The following GRID2 variants were observed in gnomAD, a reference collection of about 807,000 sequenced individuals.
The protein encoded by GRID2 is glutamate receptor ionotropic, delta-2.
In GRID2, 33 loss-of-function variants were observed where a neutral mutation model predicts 114.8. The observed-to-expected ratio is 0.29, with a 90% CI of 0.22 to 0.38. The LOEUF (loss-of-function observed/expected upper bound fraction) is 0.38, where lower values mean the gene tolerates loss of function less well. Ranked by LOEUF, GRID2 falls within the 10% of genes least tolerant of loss-of-function variation. The pLI is 1.00. For synonymous variants in GRID2, 505 were observed against 449.9 expected (o/e 1.12, Z -1.55); for missense variants, 1,184 against 1,257.7 (o/e 0.94, Z 0.89).
chr4:92,600,436 ATTATG>A (rs1474012760), intron 2 of GRID2, among the ~76,000 whole-genome samples: 1 of 152,014 alleles, frequency 6.6e-6, no homozygotes, highest in East Asian at 1.9e-4. Flanking sequence ...TCCTGCTTTT[ATTATG>A]TTATATTTAT....
At chr4:93,763,286 A>G (rs1396805416) in intron 14 of GRID2, among the ~76,000 whole-genome samples, 1 of 152,202 alleles carries the variant, frequency 6.6e-6, no homozygotes, top group Non-Finnish European at 1.5e-5. Context: ...AGATTGAGCT[A>G]AAGCTAGAGA....
intron 2 of GRID2, among the ~76,000 whole-genome samples, chr4:93,042,861 C>G (rs1422963249): frequency 6.6e-6 from 1 of 151,266 alleles, no homozygotes; most frequent in Admixed American, 6.6e-5. Context: ...AGATATTAGG[C>G]CAAGTAGCCA....
At chr4:92,388,297 C>A (rs1730075662) in intron 1 of GRID2, among the ~76,000 whole-genome samples, 1 of 152,020 alleles carries the variant, frequency 6.6e-6, no homozygotes, top group African/African-American at 2.4e-5. Context: ...TTCTCTGGCT[C>A]AGCTATATAC....
At chr4:93,011,699 T>A (rs1722186584) in intron 2 of GRID2, among the ~76,000 whole-genome samples, 1 of 152,104 alleles carries the variant, frequency 6.6e-6, no homozygotes, top group African/African-American at 2.4e-5. Flanking sequence ...TCGAGATGTA[T>A]CATGTTCCAA....
intron 2 of GRID2, among the ~76,000 whole-genome samples, chr4:92,747,486 A>C (rs2149335904): frequency 6.6e-6 from 1 of 152,252 alleles, no homozygotes; most frequent in African/African-American, 2.4e-5. Flanking sequence ...CGCTCAAGGC[A>C]GGGTAAAGTT....
At chr4:92,765,512 A>ATT (rs112820325) in intron 2 of GRID2, among the ~76,000 whole-genome samples, 23 of 147,080 alleles carry the variant, frequency 1.6e-4, no homozygotes, top group East Asian at 9.9e-4. Context: ...GAGACAAGCT[A>ATT]TTTTTTTTTT....
intron 14 of GRID2, among the ~76,000 whole-genome samples, chr4:93,628,535 C>G (rs1444270240): frequency 1.3e-5 from 2 of 151,932 alleles, no homozygotes; most frequent in African/African-American, 2.4e-5. Context: ...TAGAAGAGAC[C>G]CTTCTAAGGG....
At chr4:92,795,056 ATCT>A (rs1422454751) in intron 2 of GRID2, among the ~76,000 whole-genome samples, 1 of 151,464 alleles carries the variant, frequency 6.6e-6, no homozygotes, top group Non-Finnish European at 1.5e-5. Flanking sequence ...CATTCTCATC[ATCT>A]TCACATTGAA....
chr4:92,714,228 C>T (rs1298128115), intron 2 of GRID2, among the ~76,000 whole-genome samples: 1 of 152,296 alleles, frequency 6.6e-6, no homozygotes, highest in Non-Finnish European at 1.5e-5. Context: ...ACTTTTAAAG[C>T]TCCAAAATTA....
chr4:92,745,656 T>A (rs1202996702), intron 2 of GRID2, among the ~76,000 whole-genome samples: 1 of 152,172 alleles, frequency 6.6e-6, no homozygotes, highest in Non-Finnish European at 1.5e-5. Flanking sequence ...TAGTGGTACT[T>A]GCTATTGAGT....
chr4:92,888,677 ATAACT>A (rs1024157958), intron 2 of GRID2, among the ~76,000 whole-genome samples: 37 of 152,038 alleles, frequency 2.4e-4, no homozygotes, highest in Middle Eastern at 3.2e-3. Flanking sequence ...CATATTAGAA[ATAACT>A]TTATTAATAT....
At chr4:92,813,599 T>C (rs1212500474) in intron 2 of GRID2, among the ~76,000 whole-genome samples, 18 of 152,070 alleles carry the variant, frequency 1.2e-4, no homozygotes, top group Admixed American at 1.1e-3. Context: ...TGAATACATA[T>C]TTATATCCAT....
Position 93,110,851 on chromosome 4 carries a change from C to T in GRID2, c.633C>T (p.Leu211=), listed in dbSNP as rs1348269390. 45 of 1,610,426 alleles carry T rather than the reference C, an allele frequency of 2.8e-5. No individual in the cohort carries two copies. The highest frequency in any genetic ancestry group is 3.7e-5 in the Non-Finnish European group (44 of 1,176,772). The change falls in exon 4 of 16, where the codon CTC becomes CTT. Residue 211 remains leucine (L), a synonymous_variant. Coordinates refer to ENST00000282020, the MANE Select transcript of GRID2 (RefSeq NM_001510.4). The part of the protein sequence containing the change: ...ENNINKMITT[L]FDTMRIEELN... ...ACATCAATAAAATGATTACCACTCT[C>T]TTTGACACCATGAGAATAGAAGAAC...
chr4:93,146,179 A>G (rs1736207355), intron 4 of GRID2, among the ~76,000 whole-genome samples: 1 of 152,138 alleles, frequency 6.6e-6, no homozygotes, highest in African/African-American at 2.4e-5. Flanking sequence ...GAAACCACCT[A>G]AAACCCAACC....
At chr4:93,430,903 T>C (rs1769348373) in intron 10 of GRID2, among the ~76,000 whole-genome samples, 2 of 151,602 alleles carry the variant, frequency 1.3e-5, no homozygotes, top group Admixed American at 1.3e-4. Flanking sequence ...GACACAAGAG[T>C]AGAAGTAAAG....
intron 1 of GRID2, among the ~76,000 whole-genome samples, chr4:92,542,164 C>T (rs1173292741): frequency 6.6e-6 from 1 of 151,772 alleles, no homozygotes; most frequent in East Asian, 1.9e-4. Flanking sequence ...ATGGAGTGAC[C>T]AAAAGTATAG....
rs979681113 is a variant in GRID2, at chr4:93,608,873, T to C, written c.2194-17396T>C. On this transcript the variant is annotated intron_variant, in intron 13 of 15. Coordinates refer to ENST00000282020, the MANE Select transcript of GRID2 (RefSeq NM_001510.4). ...AATGGTATTTCTAGTTCTAGATCCCTGAGGAATCGCCACACTGACTTCCAC... is the reference window on the plus strand; with the variant it reads ...AATGGTATTTCTAGTTCTAGATCCCCGAGGAATCGCCACACTGACTTCCAC... Among the ~76,000 whole-genome samples the C allele has an allele frequency of 6.8e-5, 9 of 132,902 alleles. 2 individuals are homozygous for C. The highest frequency in any genetic ancestry group is 2.5e-4 in the African/African-American group (9 of 35,298). The allele number at this position is 132,902 out of a possible 152,430, so 87.2% of individuals were successfully genotyped here. A position where few individuals can be genotyped will look rare whatever the true frequency, so the allele number is the denominator to read the frequency against.
chr4:93,379,719 T>C (rs563736918), intron 8 of GRID2, among the ~76,000 whole-genome samples: 30 of 152,264 alleles, frequency 2.0e-4, no homozygotes, highest in African/African-American at 6.7e-4. Context: ...CTCAAAATTC[T>C]ACTGGGAGAA....
chr4:92,707,632 A>T (rs1735015642), intron 2 of GRID2, among the ~76,000 whole-genome samples: 1 of 152,234 alleles, frequency 6.6e-6, no homozygotes, highest in Non-Finnish European at 1.5e-5. Flanking sequence ...GGCATTTGAG[A>T]GGAAGCCTGG....
Sources: gnomAD v4.1 joint callset for allele counts (sites outside exome capture counted in the v4.1 genomes callset) on GRCh38, gnomAD v4.1.1 for gene constraint, MANE v1.5 for transcripts, NCBI Gene and HGNC (gene_info 2026-07-23, HGNC 2026-07-21) for gene names.